DDX10: variants seen among roughly 807,000 people sequenced by gnomAD.
The protein encoded by DDX10 is DEAD-box helicase 10.
In DDX10, 74 loss-of-function variants were observed where a neutral mutation model predicts 104.3. That is an observed-to-expected ratio of 0.71 (90% confidence interval 0.59 to 0.86). The LOEUF is 0.86. Ranked by LOEUF, DDX10 falls within the 40% of genes least tolerant of loss-of-function variation. The pLI is 0.00. For missense variants in DDX10, 952 were observed against 1,040.0 expected, an observed-to-expected ratio of 0.92 and a Z score of 1.16; for synonymous variants, 351 against 353.4, an observed-to-expected ratio of 0.99 and a Z score of 0.08.
intron 16 of DDX10, among the ~76,000 whole-genome samples, chr11:108,905,861 C>A (rs1863589181): frequency 6.6e-6 from 1 of 152,134 alleles, no homozygotes; most frequent in African/African-American, 2.4e-5. Context: ...TGGCAGAAGG[C>A]ATGGAGCAGA....
At chr11:108,677,005 T>G in intron 3 of DDX10, 80 bp from the exon 4 acceptor site, 7 of 1,352,816 alleles carry the variant, frequency 5.2e-6, no homozygotes, top group Non-Finnish European at 7.1e-6. Flanking sequence ...TCCCTTTGAT[T>G]TGGAGGGGCA....
intron 17 of DDX10, among the ~76,000 whole-genome samples, chr11:108,931,572 T>C (rs1863975854): frequency 6.6e-6 from 1 of 152,214 alleles, no homozygotes; most frequent in African/African-American, 2.4e-5. Context: ...AGATATTTTT[T>C]ACATTATGCC....
chr11:108,686,495 C>A (rs759695708), intron 6 of DDX10, among the ~76,000 whole-genome samples: 1 of 152,132 alleles, frequency 6.6e-6, no homozygotes, highest in Non-Finnish European at 1.5e-5. Flanking sequence ...AGTATGGTAG[C>A]CTTTTCGTAT....
intron 13 of DDX10, among the ~76,000 whole-genome samples, chr11:108,739,243 C>T (rs751330099): frequency 2.3e-4 from 35 of 152,254 alleles, no homozygotes; most frequent in Non-Finnish European, 2.8e-4. Context: ...CTGTTTTTGT[C>T]GGCTTCTCCC....
intron 13 of DDX10, among the ~76,000 whole-genome samples, chr11:108,750,833 C>A (rs552277023): frequency 3.5e-5 from 5 of 143,136 alleles, no homozygotes; most frequent in African/African-American, 1.3e-4. Context: ...TTATAGCTCA[C>A]TGAAGCCTCA....
intron 11 of DDX10, among the ~76,000 whole-genome samples, chr11:108,719,088 C>T (rs1445627611): frequency 6.9e-6 from 1 of 144,422 alleles, no homozygotes; most frequent in African/African-American, 2.5e-5. Context: ...GTTTGTGTAA[C>T]TCTAGTATGA....
rs1862584538 is a variant in DDX10, at chr11:108,838,282, A to T, written c.1966-164A>T. 4.5e-6 allele frequency: 3 copies of T among 667,606 alleles called. No homozygotes were observed. In the South Asian group the frequency reaches 8.1e-5, roughly 18 times the overall value. 41.4% of individuals were successfully genotyped at this position (667,606 alleles called of 1,614,324 possible). A position where few individuals can be genotyped will look rare whatever the true frequency, so the allele number is the denominator to read the frequency against. On this transcript the variant is annotated intron_variant, in intron 13 of 17. Coordinates refer to ENST00000322536, the MANE Select transcript of DDX10 (RefSeq NM_004398.4). ...TAGGTTTTGGGAGGAGTTCTTAGTT[A>T]ATAAGTCAAATAATGTTATTCCTGG...
chr11:108,739,192 C>G (rs908269121), intron 13 of DDX10, among the ~76,000 whole-genome samples: 1 of 152,080 alleles, frequency 6.6e-6, no homozygotes, highest in Admixed American at 6.6e-5. Context: ...TGATGGCTTC[C>G]CAAAGTTAGG....
chr11:108,836,283 G>A (rs763295799), intron 13 of DDX10, among the ~76,000 whole-genome samples: 2 of 152,090 alleles, frequency 1.3e-5, no homozygotes, highest in African/African-American at 2.4e-5. Flanking sequence ...ATGTTGAATC[G>A]GAAATACAAA....
In DDX10 at chr11:108,825,123, G is replaced by T. The variant is rs573973315; in HGVS notation, c.1966-13323G>T. Among the ~76,000 whole-genome samples the T allele has an allele frequency of 2.4e-4, 37 of 152,244 alleles. 1 individual carries two copies. Among genetic ancestry groups the T allele is most frequent in the African/African-American group, 8.9e-4 (37 of 41,554 alleles). On this transcript the variant is annotated intron_variant, in intron 13 of 17. Coordinates refer to ENST00000322536, the MANE Select transcript of DDX10 (RefSeq NM_004398.4). ...TAGACTAATTGCAGGCACAGTGAAAGATTTAAATAATTATTAGGCCAAAAT... is the reference window on the plus strand; with the variant it reads ...TAGACTAATTGCAGGCACAGTGAAATATTTAAATAATTATTAGGCCAAAAT...
chr11:108,917,858 A>T lies in DDX10; in HGVS notation c.2305-15A>T. 1 of 1,605,714 alleles carries T rather than the reference A, an allele frequency of 6.2e-7. No individual in the cohort carries two copies. Among genetic ancestry groups the T allele is most frequent in the Non-Finnish European group, 8.5e-7 (1 of 1,176,724 alleles). ...GACTTCTTCAACTGCAGTTTCCCTT[A>T]TTATTATTTTTTAGGCCAAAGATGA... On this transcript the variant is annotated splice_polypyrimidine_tract_variant and intron_variant, in intron 16 of 17. Transcript: ENST00000322536.
intron 13 of DDX10, among the ~76,000 whole-genome samples, chr11:108,788,256 T>C (rs1413910946): frequency 3.3e-5 from 5 of 152,224 alleles, no homozygotes; most frequent in Non-Finnish European, 7.3e-5. Flanking sequence ...GGCTAGTGGC[T>C]AGTGTTCCTT....
At chr11:108,855,827 A>G (rs1247950448) in intron 16 of DDX10, among the ~76,000 whole-genome samples, 2 of 152,218 alleles carry the variant, frequency 1.3e-5, no homozygotes. Context: ...AGGAACAAAG[A>G]GTAGGAAAGA....
intron 16 of DDX10, among the ~76,000 whole-genome samples, chr11:108,913,372 A>G (rs2134660243): frequency 6.6e-6 from 1 of 152,252 alleles, no homozygotes. Context: ...TAAATAGACA[A>G]TTCACATGTG....
intron 16 of DDX10, among the ~76,000 whole-genome samples, chr11:108,893,713 A>G (rs1053156760): frequency 6.6e-6 from 1 of 152,046 alleles, no homozygotes; most frequent in African/African-American, 2.4e-5. Flanking sequence ...AGGTGATTTA[A>G]TCTTAGTCTA....
intron 13 of DDX10, among the ~76,000 whole-genome samples, chr11:108,830,938 T>G (rs1862460918): frequency 6.6e-6 from 1 of 152,254 alleles, no homozygotes; most frequent in African/African-American, 2.4e-5. Flanking sequence ...TGAATTACTG[T>G]AATTCATTTG....
intron 16 of DDX10, among the ~76,000 whole-genome samples, chr11:108,887,861 G>A (rs927796639): frequency 9.9e-5 from 15 of 152,024 alleles, no homozygotes; most frequent in African/African-American, 2.7e-4. Flanking sequence ...TAGAGATTGC[G>A]GTGAGCCGCG....
At chr11:108,840,867 AC>A (rs1182575363) in intron 14 of DDX10, among the ~76,000 whole-genome samples, 3 of 152,212 alleles carry the variant, frequency 2.0e-5, no homozygotes, top group Admixed American at 6.5e-5. Context: ...AGAAACAGGA[AC>A]ATAAAACAAC....
At chr11:108,685,748 T>C (rs1356587151) in intron 6 of DDX10, among the ~76,000 whole-genome samples, 2 of 152,224 alleles carry the variant, frequency 1.3e-5, no homozygotes, top group Non-Finnish European at 2.9e-5. Context: ...TTAAAAAATA[T>C]GTATCTCTTT....
Sources: allele counts gnomAD v4.1 joint callset (sites outside exome capture counted in the v4.1 genomes callset), GRCh38; gene constraint gnomAD v4.1.1; transcripts MANE v1.5; gene names NCBI Gene and HGNC (gene_info 2026-07-23, HGNC 2026-07-21).